The following CTNND2 variants were observed in gnomAD, a reference collection of about 807,000 sequenced individuals.
The protein encoded by CTNND2 is catenin delta-2.
In CTNND2, 22 loss-of-function variants were observed where a neutral mutation model predicts 144.4. That is an observed-to-expected ratio of 0.15 (90% CI 0.11 to 0.22). CTNND2 has a LOEUF of 0.22. CTNND2 is among the 10% of genes least tolerant of loss of function. CTNND2 has a pLI of 1.00. For missense variants in CTNND2, 1,353 were observed against 1,618.8 expected, an observed-to-expected ratio of 0.84 and a Z score of 2.82; for synonymous variants, 751 against 695.6, an observed-to-expected ratio of 1.08 and a Z score of -1.25.
At chr5:11,782,900 C>T (rs1251427846) in intron 1 of CTNND2, among the ~76,000 whole-genome samples, 1 of 152,102 alleles carries the variant, frequency 6.6e-6, no homozygotes, top group African/African-American at 2.4e-5. Flanking sequence ...AAGTTAGAGC[C>T]AAGTAAGAGA....
At chr5:11,108,056 T>C (rs534335957) in intron 14 of CTNND2, among the ~76,000 whole-genome samples, 6 of 152,310 alleles carry the variant, frequency 3.9e-5, no homozygotes, top group African/African-American at 1.2e-4. Flanking sequence ...AATATGATAA[T>C]AACTAGCAGA....
chr5:11,818,491 C>T (rs1335603113), intron 1 of CTNND2, among the ~76,000 whole-genome samples: 2 of 152,018 alleles, frequency 1.3e-5, no homozygotes, highest in African/African-American at 4.8e-5. Context: ...GCCTCAGCCT[C>T]CCAAGTAGCT....
chr5:11,255,004 G>T (rs1744086238), intron 9 of CTNND2, among the ~76,000 whole-genome samples: 2 of 152,136 alleles, frequency 1.3e-5, no homozygotes, highest in South Asian at 2.1e-4. Flanking sequence ...TTTGTCTTTG[G>T]AGTCATGCCA....
intron 3 of CTNND2, among the ~76,000 whole-genome samples, chr5:11,546,952 G>GA (rs997407022): frequency 8.5e-5 from 13 of 152,076 alleles, no homozygotes; most frequent in African/African-American, 2.4e-4. Context: ...CCTAACATGC[G>GA]AAAAAATCAA....
intron 10 of CTNND2, among the ~76,000 whole-genome samples, chr5:11,219,873 T>C (rs1739609531): frequency 1.3e-5 from 2 of 152,198 alleles, no homozygotes; most frequent in South Asian, 4.1e-4. Flanking sequence ...CTTTCTTCTG[T>C]GGTCCAATTT....
At chr5:11,649,697 T>C (rs1782548348) in intron 2 of CTNND2, among the ~76,000 whole-genome samples, 1 of 152,236 alleles carries the variant, frequency 6.6e-6, no homozygotes, top group African/African-American at 2.4e-5. Context: ...CACTGTTGAA[T>C]ACTGTCTTCT....
intron 10 of CTNND2, among the ~76,000 whole-genome samples, chr5:11,224,468 C>T (rs944483396): frequency 1.3e-5 from 2 of 152,160 alleles, no homozygotes; most frequent in Non-Finnish European, 2.9e-5. Flanking sequence ...ACATTCCTTG[C>T]TCTCTTCTTC....
intron 3 of CTNND2, among the ~76,000 whole-genome samples, chr5:11,508,595 G>A (rs1010064317): frequency 6.6e-6 from 1 of 152,062 alleles, no homozygotes; most frequent in African/African-American, 2.4e-5. Context: ...CTTGGGGTTA[G>A]AAAAAAATAA....
At chr5:11,208,512 G>A (rs575153160) in intron 10 of CTNND2, among the ~76,000 whole-genome samples, 2 of 152,218 alleles carry the variant, frequency 1.3e-5, no homozygotes, top group East Asian at 1.9e-4. Flanking sequence ...CTCCAGAAAA[G>A]ATACACATGT....
At chr5:11,803,086 C>T (rs6891866) in intron 1 of CTNND2, among the ~76,000 whole-genome samples, 1 of 151,772 alleles carries the variant, frequency 6.6e-6, no homozygotes, top group African/African-American at 2.4e-5. Flanking sequence ...CTTTGGGAGG[C>T]CGAGGCGGGT....
At chr5:11,510,411 T>C (rs1443454285) in intron 3 of CTNND2, among the ~76,000 whole-genome samples, 2 of 152,240 alleles carry the variant, frequency 1.3e-5, no homozygotes, top group African/African-American at 2.4e-5. Context: ...AGATTCCTTA[T>C]TTCTACACTC....
intron 1 of CTNND2, among the ~76,000 whole-genome samples, chr5:11,787,349 T>C (rs565453191): frequency 6.6e-6 from 1 of 152,322 alleles, no homozygotes; most frequent in South Asian, 2.1e-4. Flanking sequence ...ACATAAATCA[T>C]AGGTAAAATA....
chr5:11,166,932 TTAGA>T (rs1442293009), intron 11 of CTNND2, among the ~76,000 whole-genome samples: 3 of 152,202 alleles, frequency 2.0e-5, no homozygotes, highest in African/African-American at 4.8e-5. Context: ...TGAGTCGATG[TTAGA>T]TAGAGTTTAC....
chr5:11,755,425 G>A (rs766098769), intron 1 of CTNND2, among the ~76,000 whole-genome samples: 12 of 151,410 alleles, frequency 7.9e-5, no homozygotes, highest in East Asian at 1.9e-4. Context: ...GTGTCTTGTC[G>A]ATGGTCATCT....
At chr5:11,427,415 C>T (rs1385430371) in intron 3 of CTNND2, among the ~76,000 whole-genome samples, 3 of 151,532 alleles carry the variant, frequency 2.0e-5, no homozygotes, top group African/African-American at 7.3e-5. Flanking sequence ...GTAGCTGGGA[C>T]TACAGGCGTG....
At chr5:11,405,140 C>T (rs570841057) in intron 5 of CTNND2, among the ~76,000 whole-genome samples, 1 of 152,260 alleles carries the variant, frequency 6.6e-6, no homozygotes, top group Non-Finnish European at 1.5e-5. Flanking sequence ...CGGGAATCTA[C>T]AATGCCTTGA....
intron 1 of CTNND2, among the ~76,000 whole-genome samples, chr5:11,864,911 T>C (rs1011232079): frequency 2.2e-4 from 18 of 80,690 alleles, no homozygotes. Flanking sequence ...TTTTTTTTTT[T>C]GCGATGGAGT....
rs149559515 is a variant in CTNND2, at chr5:11,522,598, C to T, written c.287+42346G>A. On this transcript the variant is annotated intron_variant, in intron 3 of 21. Transcript: ENST00000304623. ...GATGATTTGCTATACCCACGCAACTCCTTCTCCATGCGAATGAGACCTTCT... is the reference window on the plus strand; with the variant it reads ...GATGATTTGCTATACCCACGCAACTTCTTCTCCATGCGAATGAGACCTTCT... Among the ~76,000 whole-genome samples, 386 of 152,292 alleles carry T rather than the reference C, an allele frequency of 2.5e-3. 4 individuals are homozygous for T. The highest frequency in any genetic ancestry group is 8.7e-3 in the African/African-American group (363 of 41,550).
chr5:11,626,727 C>A (rs1244446294), intron 2 of CTNND2, among the ~76,000 whole-genome samples: 5 of 152,142 alleles, frequency 3.3e-5, no homozygotes, highest in Non-Finnish European at 1.5e-5. Flanking sequence ...CAGAAATATA[C>A]CTACTCATGC....
Sources: allele counts gnomAD v4.1 joint callset (sites outside exome capture counted in the v4.1 genomes callset), GRCh38; gene constraint gnomAD v4.1.1; transcripts MANE v1.5; gene names NCBI Gene and HGNC (gene_info 2026-07-23, HGNC 2026-07-21).